Variants in TNFRSF10C observed in about 807,000 individuals in gnomAD.
TNFRSF10C encodes TNF receptor superfamily member 10c, also known as tumor necrosis factor receptor superfamily member 10C.
A neutral mutation model predicts 16.7 loss-of-function variants in TNFRSF10C; 17 were observed. The ratio of observed to expected loss-of-function variants is 1.02; its 90% CI spans 0.70 to 1.53. The LOEUF is 1.53. Among genes scored for constraint, TNFRSF10C ranks in the 40% most tolerant of loss-of-function variants. TNFRSF10C has a pLI of 0.00. For missense variants in TNFRSF10C, 237 were observed against 329.7 expected (o/e 0.72, Z 2.18); for synonymous variants, 73 against 119.7 (o/e 0.61, Z 2.55).
chr8:23,108,972 C>T (rs929295310), intron 1 of TNFRSF10C, among the ~76,000 whole-genome samples: 6 of 151,292 alleles, frequency 4.0e-5, no homozygotes, highest in Non-Finnish European at 8.8e-5. Context: ...GAACAACACA[C>T]TTCTAAAAAT....
chr8:23,109,474 A>G (rs1813839407), intron 1 of TNFRSF10C, among the ~76,000 whole-genome samples: 1 of 151,912 alleles, frequency 6.6e-6, no homozygotes, highest in Non-Finnish European at 1.5e-5. Flanking sequence ...TGTCTCTACT[A>G]AAAATACAAA....
In TNFRSF10C at chr8:23,103,013, G is replaced by A; in HGVS notation, c.-109G>A. On this transcript the variant is annotated 5_prime_UTR_variant, in exon 1 of 5. Transcript: ENST00000356864. The stretch of plus-strand genomic sequence containing the variant: ...GAGTTTGACCAGAGATGCAAGGGGT[G>A]AAGGAGCGCTTCCTACCGTTAGGGA... The A allele has an allele frequency of 1.3e-6, 2 of 1,552,324 alleles. No homozygotes were observed. Among genetic ancestry groups the A allele is most frequent in the Non-Finnish European group, 1.7e-6 (2 of 1,147,094 alleles).
In TNFRSF10C at chr8:23,109,791, T is replaced by G. The variant is rs144307894; in HGVS notation, c.61-1929T>G. ...GAAAGAACTGAGAAAACCAACTGTGTGCGGTGGCTTACGCCTGTAATCCCA... is the reference window on the plus strand; with the variant it reads ...GAAAGAACTGAGAAAACCAACTGTGGGCGGTGGCTTACGCCTGTAATCCCA... On this transcript the variant is annotated intron_variant, in intron 1 of 4. Transcript: ENST00000356864. 9.0e-4 allele frequency among the ~76,000 whole-genome samples: 137 copies of G among 152,014 alleles called. 1 individual carries two copies. The East Asian group carries it at 0.025, about 27-fold the overall frequency.
chr8:23,109,403 C>T (rs546710297), intron 1 of TNFRSF10C, among the ~76,000 whole-genome samples: 5 of 152,004 alleles, frequency 3.3e-5, no homozygotes, highest in Non-Finnish European at 5.9e-5. Flanking sequence ...TTTGGGAGGC[C>T]GAGGAGGGTG....
intron 2 of TNFRSF10C, 159 bp from the exon 3 acceptor site, chr8:23,114,498 G>T (rs575216067): frequency 5.8e-6 from 3 of 518,134 alleles, no homozygotes; most frequent in East Asian, 6.3e-5. Flanking sequence ...GCCAGTCAAA[G>T]GTATGTAATA....
At position 23,116,820 on chromosome 8, in the gene TNFRSF10C, C is replaced by T; in HGVS notation, c.569C>T (p.Pro190Leu). 6.2e-7 allele frequency: 1 copy of T among 1,611,538 alleles called. No homozygotes were observed. Among genetic ancestry groups the T allele is most frequent in the Non-Finnish European group, 8.5e-7 (1 of 1,179,462 alleles). ...ACAATGAACACCAGCCCGGGGACTC[C>T]TGCCCCAGCTGCTGAAGAGACAATG... ...EETMNTSPGT[P>L]APAAEETMTT... is the part of the protein sequence containing the mutation. The change falls in exon 5 of 5, where the codon CCT (proline) becomes CTT (leucine). Residue 190 changes from proline to leucine, a missense_variant. Pro to Leu is a moderately conservative substitution (Grantham distance 98). Coordinates refer to ENST00000356864, the MANE Select transcript of TNFRSF10C (RefSeq NM_003841.5).
At position 23,117,130 on chromosome 8, in the gene TNFRSF10C, T is replaced by G; in HGVS notation, c.*99T>G. The G allele has an allele frequency of 6.6e-7, 1 of 1,514,468 alleles. No individual in the cohort carries two copies. 93.8% of individuals were successfully genotyped at this position (1,514,468 alleles called of 1,614,324 possible). A position where few individuals can be genotyped will look rare whatever the true frequency, so the allele number is the denominator to read the frequency against. ...CTGGACACTCTCTGCCCTGCCTCCC[T>G]CTGCTGTGTTCCCACAGACAGAAAC... On this transcript the variant is annotated 3_prime_UTR_variant, in exon 5 of 5. Coordinates refer to ENST00000356864, the MANE Select transcript of TNFRSF10C (RefSeq NM_003841.5).
chr8:23,112,892 A>G (rs530505889), intron 2 of TNFRSF10C, among the ~76,000 whole-genome samples: 2 of 152,066 alleles, frequency 1.3e-5, no homozygotes, highest in South Asian at 2.1e-4. Flanking sequence ...AGGAACCTCC[A>G]TACTGTTTTC....
intron 4 of TNFRSF10C, among the ~76,000 whole-genome samples, chr8:23,115,952 C>T (rs1813975116): frequency 6.6e-6 from 1 of 152,206 alleles, no homozygotes; most frequent in Non-Finnish European, 1.5e-5. Flanking sequence ...GAGAAGAAAA[C>T]ACTTGAATCC....
intron 1 of TNFRSF10C, among the ~76,000 whole-genome samples, chr8:23,106,688 A>G (rs1813782930): frequency 1.3e-5 from 2 of 152,324 alleles, no homozygotes; most frequent in South Asian, 4.1e-4. Flanking sequence ...CTCATCCTTA[A>G]AAATAAGGAA....
At chr8:23,106,328 A>C (rs566524774) in intron 1 of TNFRSF10C, among the ~76,000 whole-genome samples, 1 of 152,136 alleles carries the variant, frequency 6.6e-6, no homozygotes, top group South Asian at 2.1e-4. Context: ...GCAGGGCCAT[A>C]GGATGTGGTA....
rs756413549 is a variant in TNFRSF10C, at chr8:23,114,631, TCATTGG to T, written c.167-24_167-19del. 6.3e-7 allele frequency: 1 copy of T among 1,585,058 alleles called. No homozygotes were observed. Among genetic ancestry groups the T allele is most frequent in the Non-Finnish European group, 8.7e-7 (1 of 1,153,844 alleles). On this transcript the variant is annotated intron_variant, in intron 2 of 4. Transcript: ENST00000356864. ...CTCTGGGAATTCTGTGGTGACTCAT[TCATTGG>T]CTTTTCTCTTCCTTCCCAGGATCTC...
intron 1 of TNFRSF10C, among the ~76,000 whole-genome samples, chr8:23,106,505 A>G (rs1288232138): frequency 6.7e-6 from 1 of 150,342 alleles, no homozygotes; most frequent in Admixed American, 6.6e-5. Flanking sequence ...AAGCACACAC[A>G]TTTATTTAAT....
intron 1 of TNFRSF10C, chr8:23,103,480 C>T (rs1183615708): frequency 1.8e-6 from 1 of 550,014 alleles, no homozygotes; most frequent in South Asian, 2.2e-5. Flanking sequence ...AGTGAGCCTC[C>T]TGAAGACACA....
At position 23,116,639 on chromosome 8, in the gene TNFRSF10C, A is replaced by G. The variant is rs1440716456; in HGVS notation, c.390-2A>G. On this transcript the variant is annotated splice_acceptor_variant, in intron 4 of 4. Coordinates refer to ENST00000356864, the MANE Select transcript of TNFRSF10C (RefSeq NM_003841.5). LOFTEE classifies it high-confidence loss of function. Reference sequence around the variant, plus strand: ...CTCACCTCCCTCTCTGTGTGTACCCAGGTGCCCTAGTGGGGAAGTCCAAGT... The same window carrying G: ...CTCACCTCCCTCTCTGTGTGTACCCGGGTGCCCTAGTGGGGAAGTCCAAGT... 5.0e-6 allele frequency: 8 copies of G among 1,612,428 alleles called. No homozygotes were observed. In the African/African-American group the frequency reaches 9.3e-5, roughly 19 times the overall value.
intron 1 of TNFRSF10C, among the ~76,000 whole-genome samples, chr8:23,104,607 T>A (rs1026644351): frequency 4.6e-5 from 7 of 152,238 alleles, no homozygotes; most frequent in African/African-American, 1.7e-4. Flanking sequence ...AGAAGTTTCT[T>A]TAAATGTTCA....
In TNFRSF10C at chr8:23,117,185, C is replaced by T. The variant is rs867548114; in HGVS notation, c.*154C>T. On this transcript the variant is annotated 3_prime_UTR_variant, in exon 5 of 5. Coordinates refer to ENST00000356864, the MANE Select transcript of TNFRSF10C (RefSeq NM_003841.5). The stretch of plus-strand genomic sequence containing the variant: ...GCCCCTGCCCCAAGTCCTGGTGTCT[C>T]CAGCCTGGCTCTATCTTCCTCCTTG... The T allele has an allele frequency of 8.5e-7, 1 of 1,170,620 alleles. No individual in the cohort carries two copies. The highest frequency in any genetic ancestry group is 1.2e-6 in the Non-Finnish European group (1 of 839,174). 72.5% of individuals were successfully genotyped at this position (1,170,620 alleles called of 1,614,324 possible).
chr8:23,103,223 T>C, intron 1 of TNFRSF10C, 42 bp downstream of exon 1: 2 of 1,593,914 alleles, frequency 1.3e-6, no homozygotes, highest in Non-Finnish European at 1.7e-6. Context: ...AGAGCGCACC[T>C]GGCGCCGGGA....
intron 2 of TNFRSF10C, among the ~76,000 whole-genome samples, chr8:23,113,449 T>C (rs1330589621): frequency 6.6e-6 from 1 of 152,250 alleles, no homozygotes; most frequent in South Asian, 2.1e-4. Flanking sequence ...TTTTAATCTT[T>C]AGTCCATTTT....
Sources: gnomAD v4.1 joint callset for allele counts (sites outside exome capture counted in the v4.1 genomes callset) on GRCh38, gnomAD v4.1.1 for gene constraint, MANE v1.5 for transcripts, NCBI Gene and HGNC (gene_info 2026-07-23, HGNC 2026-07-21) for gene names.